The following VMP1 variants were observed in gnomAD, a reference collection of about 807,000 sequenced individuals.
VMP1 encodes the protein ectopic P-granules autophagy protein 3 homolog.
Under a neutral mutation model 56.0 loss-of-function variants are expected in VMP1, and 11 were observed. That is an observed-to-expected ratio of 0.20 (90% CI 0.12 to 0.32). The LOEUF (loss-of-function observed/expected upper bound fraction) is 0.32. Among genes scored for constraint, VMP1 ranks in the 10% least tolerant of loss-of-function variants. The pLI is 1.00. For missense variants in VMP1, 296 were observed against 490.3 expected (o/e 0.60, Z 3.74); for synonymous variants, 149 against 165.0 (o/e 0.90, Z 0.74).
chr17:59,811,744 T>C lies in VMP1; in HGVS notation c.870T>C (p.Gly290=), dbSNP rs1190136254. The change falls in exon 9 of 12, where the codon GGT becomes GGC. Residue 290 remains glycine (G), a synonymous_variant. Transcript: ENST00000262291. The part of the protein sequence containing the change: ...HFLVPFWTFF[G]ATLIGKAIIK... ...TGGTACCTTTTTGGACCTTCTTTGG[T>C]GCAACCCTAATTGGAAAAGCAATAA... 6.2e-7 allele frequency: 1 copy of C among 1,614,000 alleles called. No individual in the cohort carries two copies. Among genetic ancestry groups the C allele is most frequent in the African/African-American group, 1.3e-5 (1 of 75,056 alleles).
chr17:59,816,599 A>T lies in VMP1; in HGVS notation c.913-1113A>T, dbSNP rs375396551. ...GGTGGGCAGATCACGAGGTCAGGAG[A>T]TCGAGACCATCCTGGCTAACACAGT... On this transcript the variant is annotated intron_variant, in intron 9 of 11. Transcript: ENST00000262291. Among the ~76,000 whole-genome samples, 19 of 152,030 alleles carry T rather than the reference A, an allele frequency of 1.2e-4. No individual in the cohort carries two copies. In the East Asian group the frequency reaches 3.7e-3, roughly 29 times the overall value.
chr17:59,724,996 A>G (rs1296611193), intron 1 of VMP1, among the ~76,000 whole-genome samples: 1 of 150,214 alleles, frequency 6.7e-6, no homozygotes, highest in Non-Finnish European at 1.5e-5. Context: ...AAAACAAAAA[A>G]AACAACAAAA....
chr17:59,737,549 AG>A lies in VMP1; in HGVS notation c.303+8del, dbSNP rs1425209066. The A allele has an allele frequency of 6.3e-7, 1 of 1,599,804 alleles. No individual in the cohort carries two copies. On this transcript the variant is annotated splice_region_variant and intron_variant, in intron 4 of 11. Coordinates refer to ENST00000262291, the MANE Select transcript of VMP1 (RefSeq NM_030938.5). ...TTGAAGGAGTGCATCAACAGGTGAG[AG>A]GTCGAGCAATTCTGTTTCTAGTCTT...
intron 7 of VMP1, among the ~76,000 whole-genome samples, chr17:59,776,210 TA>T (rs10548749): frequency 1.3e-5 from 2 of 150,844 alleles, no homozygotes; most frequent in Non-Finnish European, 3.0e-5. Context: ...AGACCCCACC[TA>T]AAAAAAAACA....
At chr17:59,745,826 A>C (rs1568066080) in intron 5 of VMP1, among the ~76,000 whole-genome samples, 1 of 152,236 alleles carries the variant, frequency 6.6e-6, no homozygotes, top group Non-Finnish European at 1.5e-5. Flanking sequence ...TCCTTTTGAT[A>C]ACAGTTTGTG....
intron 6 of VMP1, among the ~76,000 whole-genome samples, chr17:59,771,708 G>A (rs918131406): frequency 1.3e-5 from 2 of 150,164 alleles, no homozygotes; most frequent in Non-Finnish European, 3.0e-5. Flanking sequence ...CTGGGCCCAG[G>A]TGATCCTCCT....
chr17:59,835,618 G>A (rs2038957281), intron 10 of VMP1, among the ~76,000 whole-genome samples: 1 of 150,850 alleles, frequency 6.6e-6, no homozygotes, highest in Non-Finnish European at 1.5e-5. Context: ...AGCCTCACTA[G>A]TAGTGGGGAT....
At chr17:59,807,773 A>C (rs2037897943) in intron 7 of VMP1, among the ~76,000 whole-genome samples, 1 of 148,878 alleles carries the variant, frequency 6.7e-6, no homozygotes, top group Non-Finnish European at 1.5e-5. Flanking sequence ...CGGAGGTTCC[A>C]GTGAGCCAAG....
At chr17:59,747,713 G>A (rs554198121) in intron 5 of VMP1, among the ~76,000 whole-genome samples, 1 of 151,286 alleles carries the variant, frequency 6.6e-6, no homozygotes, top group African/African-American at 2.4e-5. Flanking sequence ...GCCTGGCCAA[G>A]ACCCCATTTC....
intron 8 of VMP1, 127 bp downstream of exon 8, chr17:59,809,003 C>CTTTTTTTT: frequency 1.7e-6 from 1 of 593,722 alleles, no homozygotes; most frequent in Non-Finnish European, 2.7e-6. Flanking sequence ...AATCATTCAC[C>CTTTTTTTT]TTTTTTTTTT....
intron 5 of VMP1, among the ~76,000 whole-genome samples, chr17:59,762,340 T>C (rs1265709727): frequency 6.6e-6 from 1 of 152,220 alleles, no homozygotes; most frequent in African/African-American, 2.4e-5. Context: ...CTTTACCCTC[T>C]TGTTTCTTTG....
At chr17:59,737,418 C>T (rs1447261961) in intron 3 of VMP1, 35 bp from the exon 4 acceptor site, 1 of 1,582,054 alleles carries the variant, frequency 6.3e-7, no homozygotes, top group East Asian at 2.2e-5. Context: ...GAAAGTGAGA[C>T]TGTGAGATAT....
rs565737126 is a variant in VMP1, at chr17:59,743,417, C to T, written c.414+4470C>T. On this transcript the variant is annotated intron_variant, in intron 5 of 11. Transcript: ENST00000262291. ...ATATACATTTAAGGTTTTTCCTTGT[C>T]TTTTTCTGGTGTGATACCTCATTTC... 2.0e-5 allele frequency among the ~76,000 whole-genome samples: 3 copies of T among 152,066 alleles called. No individual in the cohort carries two copies. The East Asian group carries it at 5.8e-4, about 29-fold the overall frequency.
intron 8 of VMP1, among the ~76,000 whole-genome samples, chr17:59,809,576 G>A (rs1434503358): frequency 7.8e-6 from 1 of 128,424 alleles, no homozygotes; most frequent in East Asian, 2.3e-4. Context: ...GCGGGATCTC[G>A]GCTCACTGCA....
chr17:59,757,117 C>G lies in VMP1; in HGVS notation c.415-7854C>G, dbSNP rs1432080139. Reference sequence around the variant, plus strand: ...AAATTCAAGTATGAATATATTCACCCCTTTCTTACTATGACCCTAATTAGT... The same window carrying G: ...AAATTCAAGTATGAATATATTCACCGCTTTCTTACTATGACCCTAATTAGT... On this transcript the variant is annotated intron_variant, in intron 5 of 11. Coordinates refer to ENST00000262291, the MANE Select transcript of VMP1 (RefSeq NM_030938.5). Among the ~76,000 whole-genome samples, 10 of 152,100 alleles carry G rather than the reference C, an allele frequency of 6.6e-5. No individual in the cohort carries two copies. The East Asian group carries it at 1.9e-3, about 29-fold the overall frequency.
rs71145573 is a variant in VMP1, at chr17:59,801,112, A to ATGTGTG, written c.715-7652_715-7647dup. ...AAAAAATATATATATATATATATAT[A>ATGTGTG]TGTGTGTGTGTGTGTGTGTGTGTGT... On this transcript the variant is annotated intron_variant, in intron 7 of 11. Coordinates refer to ENST00000262291, the MANE Select transcript of VMP1 (RefSeq NM_030938.5). Among the ~76,000 whole-genome samples, 74 of 110,312 alleles carry ATGTGTG rather than the reference A, an allele frequency of 6.7e-4. 1 individual carries two copies. Among genetic ancestry groups the ATGTGTG allele is most frequent in the African/African-American group, 1.8e-3 (42 of 22,728 alleles). 72.4% of individuals were successfully genotyped at this position (110,312 alleles called of 152,430 possible).
chr17:59,767,838 A>G (rs1317755347), intron 6 of VMP1, among the ~76,000 whole-genome samples: 2 of 152,196 alleles, frequency 1.3e-5, no homozygotes, highest in African/African-American at 2.4e-5. Flanking sequence ...TAAGTTTTGC[A>G]CATAGGGCTG....
intron 7 of VMP1, among the ~76,000 whole-genome samples, chr17:59,803,620 T>C (rs144244923): frequency 1.3e-5 from 2 of 152,268 alleles, no homozygotes; most frequent in Admixed American, 6.5e-5. Context: ...GAAATGTAAA[T>C]ACAGAGAAAT....
intron 3 of VMP1, 168 bp downstream of exon 3, chr17:59,735,641 T>C (rs928267842): frequency 4.3e-6 from 3 of 696,932 alleles, no homozygotes; most frequent in Admixed American, 3.0e-5. Flanking sequence ...TGAAGAAAAA[T>C]AGATTAGGGA....
Sources: gnomAD v4.1 joint callset for allele counts (sites outside exome capture counted in the v4.1 genomes callset) on GRCh38, gnomAD v4.1.1 for gene constraint, MANE v1.5 for transcripts, NCBI Gene and HGNC (gene_info 2026-07-23, HGNC 2026-07-21) for gene names.